TRAPPC3L: variants seen among roughly 807,000 people sequenced by gnomAD.
TRAPPC3L encodes trafficking protein particle complex subunit 3-like protein.
In TRAPPC3L, 23 loss-of-function variants were observed where a neutral mutation model predicts 23.7. That is an observed-to-expected ratio of 0.97 (90% CI 0.70 to 1.37). TRAPPC3L has a LOEUF of 1.37. Ranked by LOEUF, TRAPPC3L falls within the 40% of genes most tolerant of loss-of-function variation. The pLI, the probability that TRAPPC3L is intolerant of heterozygous loss-of-function variation, is 0.00. For synonymous variants in TRAPPC3L, 81 were observed against 77.9 expected, an observed-to-expected ratio of 1.04 and a Z score of -0.21; for missense variants, 212 against 216.8, an observed-to-expected ratio of 0.98 and a Z score of 0.14.
At chr6:116,520,256 A>T (rs1772306581) in intron 3 of TRAPPC3L, 1 of 152,206 alleles carries the variant, frequency 6.6e-6, no homozygotes, top group African/African-American at 2.4e-5. Context: ...ACCGCTTCTC[A>T]CATGATATAT....
Position 116,513,239 on chromosome 6 carries a change from T to G in TRAPPC3L, c.241-12573A>C, listed in dbSNP as rs1772160137. 4.6e-5 allele frequency among the ~76,000 whole-genome samples: 7 copies of G among 152,202 alleles called. No individual in the cohort carries two copies. In the South Asian group the frequency reaches 1.4e-3, roughly 31 times the overall value. The stretch of plus-strand genomic sequence containing the variant: ...ATCAAGGCAAAATCTGTTTTTAAAA[T>G]CATACACTCCAAAGCTGGTTGGCAG... On this transcript the variant is annotated intron_variant, in intron 3 of 4. Coordinates refer to ENST00000368602, the MANE Select transcript of TRAPPC3L (RefSeq NM_001139444.3).
rs59420398 is a variant in TRAPPC3L, at chr6:116,511,183, G to GATATATATATATAT, written c.241-10531_241-10518dup. Among the ~76,000 whole-genome samples, 585 of 141,456 alleles carry GATATATATATATAT rather than the reference G, an allele frequency of 4.1e-3. 2 individuals are homozygous for GATATATATATATAT. The highest frequency in any genetic ancestry group is 0.022 in the Middle Eastern group (6 of 276). The allele number at this position is 141,456 out of a possible 152,430, so 92.8% of individuals were successfully genotyped here. On this transcript the variant is annotated intron_variant, in intron 3 of 4. Transcript: ENST00000368602. ...ACCCACTTGTGCTCCAAAAGCTATT[G>GATATATATATATAT]ATATATATATATATATATAATTTTC...
At chr6:116,505,486 A>G (rs1444104026) in intron 3 of TRAPPC3L, among the ~76,000 whole-genome samples, 24 of 152,196 alleles carry the variant, frequency 1.6e-4, no homozygotes, top group Admixed American at 1.6e-3. Context: ...TCAAGCTACC[A>G]ATGACTTTCT....
Position 116,540,186 on chromosome 6 carries a change from A to C in TRAPPC3L, c.240+177T>G, listed in dbSNP as rs1488138402. ...CTATAGTTGCTTAAATGCATCTTTC[A>C]GTTCACAGTAGCTTTATCTCTGTGC... On this transcript the variant is annotated intron_variant, in intron 3 of 4. Coordinates refer to ENST00000368602, the MANE Select transcript of TRAPPC3L (RefSeq NM_001139444.3). 3.3e-5 allele frequency among the ~76,000 whole-genome samples: 5 copies of C among 152,204 alleles called. No homozygotes were observed. The East Asian group carries it at 9.6e-4, about 29-fold the overall frequency.
At chr6:116,527,243 C>T (rs903849924) in intron 3 of TRAPPC3L, among the ~76,000 whole-genome samples, 15 of 152,066 alleles carry the variant, frequency 9.9e-5, no homozygotes, top group Admixed American at 3.3e-4. Flanking sequence ...CCCGGCCCGG[C>T]GCGGTGGCTC....
At chr6:116,543,780 G>T (rs1338019058) in intron 1 of TRAPPC3L, 1 of 1,513,016 alleles carries the variant, frequency 6.6e-7, no homozygotes, top group Non-Finnish European at 8.8e-7. Flanking sequence ...AGCAAGAATT[G>T]GATAAGACTT....
intron 3 of TRAPPC3L, among the ~76,000 whole-genome samples, chr6:116,527,315 A>G (rs1653157808): frequency 1.3e-5 from 2 of 152,094 alleles, no homozygotes; most frequent in South Asian, 2.1e-4. Context: ...CAGGAGATCG[A>G]GACCATCCTG....
At chr6:116,499,474 TG>T (rs1771880671) in intron 4 of TRAPPC3L, among the ~76,000 whole-genome samples, 1 of 152,266 alleles carries the variant, frequency 6.6e-6, no homozygotes, top group Admixed American at 6.5e-5. Flanking sequence ...TGATTTCTGT[TG>T]CTTTCAATAT....
chr6:116,496,385 AT>A lies in TRAPPC3L; in HGVS notation c.*568del, dbSNP rs1269677152. ...TATTTATAAATGTTTCAAAATTATC[AT>A]TGAATAAATAGCTTGACTTGGTGAT... On this transcript the variant is annotated 3_prime_UTR_variant, in exon 5 of 5. Coordinates refer to ENST00000368602, the MANE Select transcript of TRAPPC3L (RefSeq NM_001139444.3). 41 of 152,358 alleles carry A rather than the reference AT, an allele frequency of 2.7e-4. 1 individual carries two copies. Among genetic ancestry groups the A allele is most frequent in the African/African-American group, 9.6e-4 (40 of 41,598 alleles). 9.4% of individuals were successfully genotyped at this position (152,358 alleles called of 1,614,324 possible).
intron 3 of TRAPPC3L, chr6:116,511,689 T>C (rs1227087009): frequency 1.2e-6 from 2 of 1,611,874 alleles, no homozygotes; most frequent in East Asian, 4.5e-5. Flanking sequence ...CCTCTGTGCA[T>C]CTCCAACATG....
intron 3 of TRAPPC3L, among the ~76,000 whole-genome samples, chr6:116,535,935 T>G (rs888861247): frequency 6.6e-6 from 1 of 152,168 alleles, no homozygotes; most frequent in Non-Finnish European, 1.5e-5. Context: ...ATGGGGCTAA[T>G]GATAGATGAT....
At chr6:116,511,423 A>G (rs975518304) in intron 3 of TRAPPC3L, among the ~76,000 whole-genome samples, 21 of 152,094 alleles carry the variant, frequency 1.4e-4, no homozygotes, top group African/African-American at 5.1e-4. Context: ...TCCAAACCAC[A>G]TGGAAAGAAG....
At chr6:116,535,350 A>C (rs1773009871) in intron 3 of TRAPPC3L, among the ~76,000 whole-genome samples, 1 of 152,216 alleles carries the variant, frequency 6.6e-6, no homozygotes, top group Non-Finnish European at 1.5e-5. Flanking sequence ...TACATTGGAC[A>C]TGGTTAGGCC....
rs1771839799 is a variant in TRAPPC3L, at chr6:116,496,842, T to C, written c.*112A>G. On this transcript the variant is annotated 3_prime_UTR_variant, in exon 5 of 5. Transcript: ENST00000368602. ...CCTGCATTTCAAATTTCTGGCTGAT[T>C]TATAAACCTTTCAAAGCTCATGCTA... 2 of 1,369,858 alleles carry C rather than the reference T, an allele frequency of 1.5e-6. No homozygotes were observed. Among genetic ancestry groups the C allele is most frequent in the African/African-American group, 1.5e-5 (1 of 65,206 alleles). 84.9% of individuals were successfully genotyped at this position (1,369,858 alleles called of 1,614,324 possible). A position where few individuals can be genotyped will look rare whatever the true frequency, so the allele number is the denominator to read the frequency against.
In TRAPPC3L at chr6:116,500,665, ACCTG is replaced by A; in HGVS notation, c.241-3_241del. ...AATTCCCAGGTACATCTTGAAAGCA[ACCTG>A]ATAAGAAAAAAACAAAATTACTAAA... On this transcript the variant is annotated splice_acceptor_variant and splice_polypyrimidine_tract_variant and coding_sequence_variant and intron_variant, in exon 4 of 5. Transcript: ENST00000368602. LOFTEE classifies it high-confidence loss of function. The A allele has an allele frequency of 6.4e-7, 1 of 1,550,968 alleles. No homozygotes were observed. The highest frequency in any genetic ancestry group is 2.0e-5 in the Admixed American group (1 of 50,872).
Position 116,545,604 on chromosome 6 carries a change from T to G in TRAPPC3L, c.-90A>C. The G allele has an allele frequency of 1.7e-6, 2 of 1,200,068 alleles. No homozygotes were observed. Among genetic ancestry groups the G allele is most frequent in the Admixed American group, 2.3e-5 (1 of 42,662 alleles). The allele number at this position is 1,200,068 out of a possible 1,614,324, so 74.3% of individuals were successfully genotyped here. A position where few individuals can be genotyped will look rare whatever the true frequency, so the allele number is the denominator to read the frequency against. On this transcript the variant is annotated 5_prime_UTR_variant, in exon 1 of 5. Coordinates refer to ENST00000368602, the MANE Select transcript of TRAPPC3L (RefSeq NM_001139444.3). ...ATCAGTCCATGTCTTTTTGTTTTGTTTTTGTAAGCTCTTCCTCGCTTTGAG... is the reference window on the plus strand; with the variant it reads ...ATCAGTCCATGTCTTTTTGTTTTGTGTTTGTAAGCTCTTCCTCGCTTTGAG...
chr6:116,514,270 T>A (rs1473901799), intron 3 of TRAPPC3L, among the ~76,000 whole-genome samples: 1 of 152,208 alleles, frequency 6.6e-6, no homozygotes, highest in Admixed American at 6.5e-5. Flanking sequence ...GGTACTGAGA[T>A]GAGATGGCGT....
At chr6:116,515,812 A>G (rs1413366813) in intron 3 of TRAPPC3L, 3 of 1,614,022 alleles carry the variant, frequency 1.9e-6, no homozygotes, top group Non-Finnish European at 2.5e-6. Context: ...ACAAGAGGCC[A>G]GATCCTTTTC....
At chr6:116,499,903 C>A (rs1771887236) in intron 4 of TRAPPC3L, among the ~76,000 whole-genome samples, 1 of 152,190 alleles carries the variant, frequency 6.6e-6, no homozygotes, top group East Asian at 1.9e-4. Context: ...ATACTCAGTG[C>A]CTGACACTTA....
Sources: allele counts gnomAD v4.1 joint callset (sites outside exome capture counted in the v4.1 genomes callset), GRCh38; gene constraint gnomAD v4.1.1; transcripts MANE v1.5; gene names NCBI Gene and HGNC (gene_info 2026-07-23, HGNC 2026-07-21).